The following RBMS1 variants were observed in gnomAD, a reference collection of about 807,000 sequenced individuals.
RBMS1 encodes RNA-binding motif, single-stranded-interacting protein 1.
A neutral mutation model predicts 62.3 loss-of-function variants in RBMS1; 17 were observed. That is an observed-to-expected ratio of 0.27 (90% CI 0.19 to 0.41). RBMS1 has a LOEUF of 0.41. RBMS1 is among the 10% of genes least tolerant of loss of function. The probability of loss-of-function intolerance (pLI) is 1.00; values close to 1 mark genes in which losing one functional copy is unlikely to be tolerated. For missense variants in RBMS1, 334 were observed against 504.5 expected (o/e 0.66, Z 3.24); for synonymous variants, 172 against 170.0 (o/e 1.01, Z -0.09).
At chr2:160,406,413 G>C (rs1695710374) in intron 1 of RBMS1, among the ~76,000 whole-genome samples, 1 of 152,238 alleles carries the variant, frequency 6.6e-6, no homozygotes, top group Non-Finnish European at 1.5e-5. Context: ...GTGATCTTAA[G>C]AGAGCCACGG....
chr2:160,324,937 C>T (rs975682039), intron 2 of RBMS1, among the ~76,000 whole-genome samples: 259 of 141,574 alleles, frequency 1.8e-3, no homozygotes, highest in Non-Finnish European at 3.2e-3. Context: ...CACACACACA[C>T]ATATATATGC....
chr2:160,352,944 C>A (rs965748479), intron 2 of RBMS1, among the ~76,000 whole-genome samples: 5 of 151,854 alleles, frequency 3.3e-5, no homozygotes, highest in Non-Finnish European at 5.9e-5. Context: ...AATGTTGAGG[C>A]AAAAAAATTA....
chr2:160,311,210 ATC>A (rs1361792296), intron 4 of RBMS1, among the ~76,000 whole-genome samples: 1 of 56,612 alleles, frequency 1.8e-5, no homozygotes, highest in Non-Finnish European at 3.7e-5. Context: ...AAAAAAAAAA[ATC>A]TATCTATCTA....
intron 1 of RBMS1, among the ~76,000 whole-genome samples, chr2:160,462,267 C>A (rs1044431171): frequency 6.6e-6 from 1 of 152,198 alleles, no homozygotes; most frequent in African/African-American, 2.4e-5. Flanking sequence ...GACACTCAAG[C>A]ATTTGACCAT....
intron 1 of RBMS1, among the ~76,000 whole-genome samples, chr2:160,449,067 C>T (rs948631112): frequency 6.6e-6 from 1 of 151,264 alleles, no homozygotes; most frequent in African/African-American, 2.4e-5. Context: ...GCAGCTGCCC[C>T]GTCTGGGAAG....
intron 9 of RBMS1, 157 bp from the exon 10 acceptor site, chr2:160,281,521 G>A: frequency 5.4e-6 from 3 of 557,980 alleles, no homozygotes; most frequent in South Asian, 6.0e-5. Context: ...AGAATTCTTG[G>A]CAAACTGGTC....
chr2:160,294,733 G>C (rs1465082209), intron 6 of RBMS1, among the ~76,000 whole-genome samples: 1 of 152,166 alleles, frequency 6.6e-6, no homozygotes, highest in Non-Finnish European at 1.5e-5. Flanking sequence ...GCTTACGCCA[G>C]CTAAACAACT....
intron 1 of RBMS1, among the ~76,000 whole-genome samples, chr2:160,384,184 G>A (rs780773143): frequency 6.6e-6 from 1 of 152,102 alleles, no homozygotes; most frequent in African/African-American, 2.4e-5. Flanking sequence ...GCGAGGGAGC[G>A]AGACTCTGTC....
chr2:160,295,809 AT>A (rs1174393429), intron 6 of RBMS1, among the ~76,000 whole-genome samples: 1 of 152,242 alleles, frequency 6.6e-6, no homozygotes, highest in East Asian at 1.9e-4. Context: ...TTTTGTTGTT[AT>A]TAATTTAGCA....
intron 4 of RBMS1, among the ~76,000 whole-genome samples, 180 bp from the exon 5 acceptor site, chr2:160,303,667 C>G (rs972640247): frequency 1.3e-5 from 2 of 152,206 alleles, no homozygotes. Flanking sequence ...ACAATCTGTG[C>G]AGGCCAGACA....
intron 1 of RBMS1, among the ~76,000 whole-genome samples, chr2:160,456,855 T>C (rs1268808714): frequency 1.3e-5 from 2 of 152,100 alleles, no homozygotes; most frequent in Non-Finnish European, 2.9e-5. Context: ...TTCAATTCAA[T>C]ACATTTTTCA....
rs752348518 is a variant in RBMS1, at chr2:160,493,344, T to C, written c.20A>G (p.Gln7Arg). 9 of 1,613,388 alleles carry C rather than the reference T, an allele frequency of 5.6e-6. No individual in the cohort carries two copies. The highest frequency in any genetic ancestry group is 8.5e-7 in the Non-Finnish European group (1 of 1,179,614). Residue 7 changes from glutamine to arginine, a missense_variant, in exon 1 of 14, where the codon CAG (glutamine) becomes CGG (arginine). By Grantham distance (43) the Gln-to-Arg change is conservative. This residue lies in a region of RBMS1 where 150 missense variants were observed against 228.0 expected (regional missense o/e 0.66). Coordinates refer to ENST00000348849, the MANE Select transcript of RBMS1 (RefSeq NM_016836.4). Reference protein sequence around the residue: MGKVWKQQMYPQYATYY... With the variant: MGKVWKRQMYPQYATYY... ...GGTGGCGTACTGAGGGTACATCTGC[T>C]GTTTCCACACTTTGCCCATGAAGCT...
intron 1 of RBMS1, among the ~76,000 whole-genome samples, chr2:160,422,020 A>G (rs1696452583): frequency 6.6e-6 from 1 of 152,194 alleles, no homozygotes; most frequent in Non-Finnish European, 1.5e-5. Flanking sequence ...AAGAAGAACT[A>G]CTGTGTCAAA....
chr2:160,276,549 CACGTT>C, intron 12 of RBMS1: 1 of 152,176 alleles, frequency 6.6e-6, no homozygotes, highest in Non-Finnish European at 1.5e-5. Context: ...AGGAAAATGC[CACGTT>C]TTCTCTCTAA....
intron 1 of RBMS1, among the ~76,000 whole-genome samples, chr2:160,428,872 T>C (rs796305713): frequency 1.3e-5 from 2 of 152,302 alleles, no homozygotes; most frequent in African/African-American, 2.4e-5. Flanking sequence ...CTTCCTTTTG[T>C]ATGGCGTAAT....
At chr2:160,474,367 C>G (rs1012218014) in intron 1 of RBMS1, among the ~76,000 whole-genome samples, 5 of 152,152 alleles carry the variant, frequency 3.3e-5, no homozygotes, top group African/African-American at 1.2e-4. Flanking sequence ...CGTACAATAG[C>G]TTTGCTAATT....
rs779407232 is a variant in RBMS1 at position 160,284,944 on chromosome 2, C to A, written c.806+51G>T. On this transcript the variant is annotated intron_variant, in intron 8 of 13. Coordinates refer to ENST00000348849, the MANE Select transcript of RBMS1 (RefSeq NM_016836.4). ...TCATGGAACAAATGTCTGATATTTT[C>A]CACCTTCACATTTTCCCTCAAGCCA... 4 of 1,579,242 alleles carry A rather than the reference C, an allele frequency of 2.5e-6. No individual in the cohort carries two copies. The South Asian group carries it at 4.4e-5, about 18-fold the overall frequency.
rs1397595901 is a variant in RBMS1, at chr2:160,273,999, T to C, written c.*773A>G. 1 of 152,638 alleles carries C rather than the reference T, an allele frequency of 6.6e-6. No homozygotes were observed. Among genetic ancestry groups the C allele is most frequent in the African/African-American group, 2.4e-5 (1 of 41,468 alleles). 9.5% of individuals were successfully genotyped at this position (152,638 alleles called of 1,614,324 possible). Reference sequence around the variant, plus strand: ...AAAATCATTAAAAACACCTACTACATATTTAAAAAAGCCAAAATTTCAGCA... The same window carrying C: ...AAAATCATTAAAAACACCTACTACACATTTAAAAAAGCCAAAATTTCAGCA... On this transcript the variant is annotated 3_prime_UTR_variant, in exon 14 of 14. Coordinates refer to ENST00000348849, the MANE Select transcript of RBMS1 (RefSeq NM_016836.4).
intron 2 of RBMS1, among the ~76,000 whole-genome samples, chr2:160,364,946 G>A (rs1323245376): frequency 1.3e-5 from 2 of 152,036 alleles, no homozygotes; most frequent in East Asian, 3.9e-4. Flanking sequence ...TTTTTTAGAG[G>A]TATGGATTTA....
Sources: gnomAD v4.1 joint callset for allele counts (sites outside exome capture counted in the v4.1 genomes callset) on GRCh38, gnomAD v4.1.1 for gene constraint, gnomAD v4.1.1 regional missense constraint, MANE v1.5 for transcripts, NCBI Gene and HGNC (gene_info 2026-07-23, HGNC 2026-07-21) for gene names.